KIF27: variants seen among roughly 807,000 people sequenced by gnomAD.
KIF27 encodes kinesin-like protein KIF27.
In KIF27, 84 loss-of-function variants were observed where a neutral mutation model predicts 141.8. That is an observed-to-expected ratio of 0.59 (90% CI 0.50 to 0.71). The LOEUF (loss-of-function observed/expected upper bound fraction) is 0.71, where lower values mean the gene tolerates loss of function less well. Among genes scored for constraint, KIF27 ranks in the 30% least tolerant of loss-of-function variants. KIF27 has a pLI of 0.00. For synonymous variants in KIF27, 471 were observed against 569.5 expected, an observed-to-expected ratio of 0.83 and a Z score of 2.46; for missense variants, 1,306 against 1,628.4, an observed-to-expected ratio of 0.80 and a Z score of 3.41.
intron 4 of KIF27, among the ~76,000 whole-genome samples, chr9:83,902,442 A>G (rs2132557007): frequency 6.6e-6 from 1 of 152,302 alleles, no homozygotes; most frequent in Middle Eastern, 3.4e-3. Context: ...CACAATAAAC[A>G]GTTTCTGAAT....
intron 14 of KIF27, among the ~76,000 whole-genome samples, chr9:83,856,126 T>C (rs1432898558): frequency 1.3e-5 from 2 of 152,074 alleles, no homozygotes; most frequent in African/African-American, 2.4e-5. Flanking sequence ...CTTTTCAACT[T>C]TAATGTGTAC....
chr9:83,910,780 T>G (rs1955073281), intron 2 of KIF27, among the ~76,000 whole-genome samples: 1 of 152,234 alleles, frequency 6.6e-6, no homozygotes. Context: ...CATTTATTTC[T>G]GCTCCCACTT....
intron 1 of KIF27, among the ~76,000 whole-genome samples, chr9:83,918,491 A>G (rs1218539204): frequency 1.3e-5 from 2 of 152,238 alleles, no homozygotes; most frequent in Non-Finnish European, 2.9e-5. Flanking sequence ...ACTTGCAACT[A>G]GAATATATAA....
chr9:83,843,417 G>GA (rs1450288986), intron 16 of KIF27, among the ~76,000 whole-genome samples: 4 of 151,092 alleles, frequency 2.6e-5, no homozygotes, highest in Non-Finnish European at 5.9e-5. Flanking sequence ...CTAACCTTCA[G>GA]AAAAAACATA....
intron 1 of KIF27, among the ~76,000 whole-genome samples, chr9:83,920,652 A>G (rs977868202): frequency 3.9e-5 from 6 of 152,210 alleles, no homozygotes; most frequent in Admixed American, 1.3e-4. Flanking sequence ...CCAAATGCGT[A>G]AAGACGACAA....
Position 83,873,796 on chromosome 9 carries a change from T to A in KIF27, c.2644-3164A>T, listed in dbSNP as rs539128921. Among the ~76,000 whole-genome samples, 13 of 152,282 alleles carry A rather than the reference T, an allele frequency of 8.5e-5. No homozygotes were observed. The South Asian group carries it at 2.7e-3, about 32-fold the overall frequency. ...CTTTAAAAGTATACTGCACTTGTAATCCCAGCACTTTGGGAGGCCAAGGCG... is the reference window on the plus strand; with the variant it reads ...CTTTAAAAGTATACTGCACTTGTAAACCCAGCACTTTGGGAGGCCAAGGCG... On this transcript the variant is annotated intron_variant, in intron 11 of 17. Coordinates refer to ENST00000297814, the MANE Select transcript of KIF27 (RefSeq NM_017576.4).
intron 11 of KIF27, among the ~76,000 whole-genome samples, chr9:83,875,363 C>A (rs1312820144): frequency 6.6e-6 from 1 of 152,170 alleles, no homozygotes; most frequent in Non-Finnish European, 1.5e-5. Flanking sequence ...TGGAGAACTA[C>A]ATTTTTCCCC....
intron 15 of KIF27, among the ~76,000 whole-genome samples, chr9:83,852,141 A>G (rs959724244): frequency 2.0e-5 from 3 of 148,708 alleles, no homozygotes; most frequent in African/African-American, 7.5e-5. Flanking sequence ...ATAAAAGAAC[A>G]GCATAAAGAG....
At chr9:83,866,143 T>C (rs1158888428) in intron 13 of KIF27, among the ~76,000 whole-genome samples, 1 of 152,152 alleles carries the variant, frequency 6.6e-6, no homozygotes, top group Non-Finnish European at 1.5e-5. Context: ...GTTTCATGAC[T>C]ATGCCCTGTT....
intron 11 of KIF27, among the ~76,000 whole-genome samples, chr9:83,878,035 G>A (rs571641935): frequency 6.6e-6 from 1 of 151,560 alleles, no homozygotes; most frequent in East Asian, 1.9e-4. Context: ...GTGGTGGCGG[G>A]TGCCTGTAGT....
chr9:83,904,439 T>C (rs1214664930), intron 3 of KIF27, among the ~76,000 whole-genome samples: 1 of 152,142 alleles, frequency 6.6e-6, no homozygotes, highest in Non-Finnish European at 1.5e-5. Context: ...GTCACAATCT[T>C]GGCTCACTGC....
chr9:83,884,078 A>T, intron 9 of KIF27, 60 bp from the exon 10 acceptor site: 2 of 1,218,226 alleles, frequency 1.6e-6, no homozygotes, highest in Non-Finnish European at 2.3e-6. Context: ...TAAACATCCA[A>T]AACATAAAAA....
intron 10 of KIF27, among the ~76,000 whole-genome samples, chr9:83,883,178 TGA>T (rs1951819638): frequency 6.6e-6 from 1 of 151,996 alleles, no homozygotes; most frequent in Non-Finnish European, 1.5e-5. Context: ...CAGTAGACCA[TGA>T]GAGATAAAGA....
Position 83,901,766 on chromosome 9 carries a change from G to A in KIF27, c.1458+1294C>T, listed in dbSNP as rs552410013. On this transcript the variant is annotated intron_variant, in intron 4 of 17. Coordinates refer to ENST00000297814, the MANE Select transcript of KIF27 (RefSeq NM_017576.4). ...CATGTGCCTATAGTCCCAGATACTC[G>A]GGAGGCTGAGGCAGGAGAATTGCTT... is the stretch of plus-strand genomic sequence containing the variant. 9.7e-4 allele frequency among the ~76,000 whole-genome samples: 147 copies of A among 152,210 alleles called. 1 individual carries two copies. The highest frequency in any genetic ancestry group is 1.7e-3 in the Non-Finnish European group (116 of 68,000).
At chr9:83,841,236 A>C (rs563198739) in intron 17 of KIF27, among the ~76,000 whole-genome samples, 75 of 152,082 alleles carry the variant, frequency 4.9e-4, no homozygotes, top group African/African-American at 1.8e-3. Flanking sequence ...ACACCTGGCT[A>C]ATTTTGTATT....
rs1231268942 is a variant in KIF27 at position 83,853,686 on chromosome 9, C to T, written c.3300G>A (p.Lys1100=). 6 of 1,613,826 alleles carry T rather than the reference C, an allele frequency of 3.7e-6. No homozygotes were observed. The highest frequency in any genetic ancestry group is 5.1e-6 in the Non-Finnish European group (6 of 1,179,798). ...TCTCAACAGGACTCAGGCAAGCTAG[C>T]TTTTCCAAGACATTTGCTTCACCAC... ...LSRGEANVLE[K]LACLSPVEIR... Residue 1100 remains lysine, a synonymous_variant, in exon 15 of 18, where the codon AAG becomes AAA. Transcript: ENST00000297814.
At chr9:83,882,303 A>C (rs1951741075) in intron 10 of KIF27, among the ~76,000 whole-genome samples, 1 of 152,126 alleles carries the variant, frequency 6.6e-6, no homozygotes, top group Non-Finnish European at 1.5e-5. Flanking sequence ...AGGCAACTGC[A>C]GTGGGCTGAG....
At chr9:83,880,215 C>A in intron 11 of KIF27, 82 bp downstream of exon 11, 1 of 1,588,244 alleles carries the variant, frequency 6.3e-7, no homozygotes, top group South Asian at 1.1e-5. Context: ...CACAAGCCAA[C>A]TGAATGAAGA....
intron 10 of KIF27, among the ~76,000 whole-genome samples, chr9:83,881,749 G>A (rs1951694812): frequency 6.6e-6 from 1 of 152,226 alleles, no homozygotes; most frequent in African/African-American, 2.4e-5. Context: ...ACAATTGACA[G>A]TAATTACAAT....
Sources: allele counts gnomAD v4.1 joint callset (sites outside exome capture counted in the v4.1 genomes callset), GRCh38; gene constraint gnomAD v4.1.1; transcripts MANE v1.5; gene names NCBI Gene and HGNC (gene_info 2026-07-23, HGNC 2026-07-21).